The following PLPPR1 variants were observed in gnomAD, a reference collection of about 807,000 sequenced individuals.
The protein encoded by PLPPR1 is phospholipid phosphatase-related protein type 1.
A neutral mutation model predicts 33.1 loss-of-function variants in PLPPR1; 10 were observed. The observed-to-expected ratio is 0.30, with a 90% confidence interval of 0.19 to 0.51. The LOEUF is 0.51. Among genes scored for constraint, PLPPR1 ranks in the 20% least tolerant of loss-of-function variants. PLPPR1 has a pLI of 0.97. For missense variants in PLPPR1, 304 were observed against 408.1 expected (o/e 0.74, Z 2.20); for synonymous variants, 151 against 151.0 (o/e 1.00, Z 0.00).
At chr9:101,213,340 C>G (rs1420247656) in intron 2 of PLPPR1, among the ~76,000 whole-genome samples, 1 of 151,868 alleles carries the variant, frequency 6.6e-6, no homozygotes, top group African/African-American at 2.4e-5. Flanking sequence ...AGTAAGCAAC[C>G]AGAAAGAGAT....
chr9:101,079,647 T>G (rs2118507732), intron 1 of PLPPR1, among the ~76,000 whole-genome samples: 1 of 152,208 alleles, frequency 6.6e-6, no homozygotes, highest in Middle Eastern at 3.4e-3. Context: ...TGGCACGATC[T>G]TGGCTCACTG....
intron 2 of PLPPR1, among the ~76,000 whole-genome samples, chr9:101,237,824 T>C (rs1002775824): frequency 5.3e-5 from 5 of 93,974 alleles, no homozygotes; most frequent in African/African-American, 2.6e-4. Context: ...TGCATATATA[T>C]ATATATATAT....
At chr9:101,187,643 T>C (rs1164780963) in intron 2 of PLPPR1, 1 of 151,954 alleles carries the variant, frequency 6.6e-6, no homozygotes, top group Admixed American at 6.6e-5. Flanking sequence ...CAAACACTTA[T>C]TGTTTACCTA....
intron 1 of PLPPR1, among the ~76,000 whole-genome samples, chr9:101,158,259 G>A (rs979076544): frequency 6.6e-6 from 1 of 152,266 alleles, no homozygotes; most frequent in South Asian, 2.1e-4. Flanking sequence ...GAATGAAAAG[G>A]AAAATGGAGG....
chr9:101,078,126 A>T (rs2988366), intron 1 of PLPPR1, among the ~76,000 whole-genome samples: 1 of 35,364 alleles, frequency 2.8e-5, no homozygotes, highest in Non-Finnish European at 5.5e-5. Flanking sequence ...GAAGAAGAAG[A>T]AGAAGAAGAA....
intron 1 of PLPPR1, among the ~76,000 whole-genome samples, chr9:101,042,042 G>A (rs936216618): frequency 6.6e-6 from 1 of 152,126 alleles, no homozygotes; most frequent in African/African-American, 2.4e-5. Context: ...AACACATATA[G>A]AGAAAATATA....
At chr9:101,096,284 CAT>C (rs1459948297) in intron 1 of PLPPR1, among the ~76,000 whole-genome samples, 2 of 152,204 alleles carry the variant, frequency 1.3e-5, no homozygotes, top group East Asian at 1.9e-4. Flanking sequence ...AGAAGAATAA[CAT>C]AATCACAGTG....
chr9:101,036,098 A>G (rs1340592904), intron 1 of PLPPR1, among the ~76,000 whole-genome samples: 2 of 152,150 alleles, frequency 1.3e-5, no homozygotes, highest in African/African-American at 4.8e-5. Flanking sequence ...TTGCATTAAA[A>G]TATTGTTTAC....
chr9:101,291,235 G>GA (rs977786994), intron 4 of PLPPR1, among the ~76,000 whole-genome samples: 4 of 152,242 alleles, frequency 2.6e-5, no homozygotes, highest in African/African-American at 9.6e-5. Flanking sequence ...AAGGCTGGGG[G>GA]AGGGGCGCCC....
At chr9:101,136,316 G>A (rs566271131) in intron 1 of PLPPR1, among the ~76,000 whole-genome samples, 13 of 152,248 alleles carry the variant, frequency 8.5e-5, no homozygotes, top group East Asian at 3.9e-4. Flanking sequence ...TAGCTTATGC[G>A]GTCAGTATTA....
At chr9:101,029,520 C>A (rs112743298) in intron 1 of PLPPR1, among the ~76,000 whole-genome samples, 1 of 152,142 alleles carries the variant, frequency 6.6e-6, no homozygotes, top group East Asian at 1.9e-4. Flanking sequence ...CCCACCCGGG[C>A]GGGGGTTGAG....
intron 1 of PLPPR1, among the ~76,000 whole-genome samples, chr9:101,099,130 T>C (rs2993806): frequency 0.42 from 62,768 of 149,342 alleles, 13,497 homozygotes; most frequent in Non-Finnish European, 0.46. Context: ...GAGGAGTGTG[T>C]TGGTCAGTGG....
intron 4 of PLPPR1, among the ~76,000 whole-genome samples, chr9:101,308,375 T>C (rs1280136485): frequency 3.3e-5 from 5 of 152,272 alleles, no homozygotes; most frequent in East Asian, 3.9e-4. Flanking sequence ...AAAGGAAAGA[T>C]GTGGATTATA....
At chr9:101,095,553 G>A (rs1260818945) in intron 1 of PLPPR1, among the ~76,000 whole-genome samples, 1 of 152,140 alleles carries the variant, frequency 6.6e-6, no homozygotes, top group Non-Finnish European at 1.5e-5. Flanking sequence ...TTTTTTAAAA[G>A]CTAAACTTCC....
chr9:101,283,447 T>C (rs1198952859), intron 3 of PLPPR1, among the ~76,000 whole-genome samples: 1 of 152,208 alleles, frequency 6.6e-6, no homozygotes, highest in African/African-American at 2.4e-5. Flanking sequence ...TTAGGAAAAC[T>C]GGCTATCCAC....
chr9:101,169,952 T>C (rs115193738), intron 1 of PLPPR1, among the ~76,000 whole-genome samples: 131 of 151,950 alleles, frequency 8.6e-4, no homozygotes, highest in African/African-American at 3.0e-3. Context: ...ATTAAGACTA[T>C]ATTGTTGAGT....
chr9:101,133,378 A>G (rs1831339047), intron 1 of PLPPR1, among the ~76,000 whole-genome samples: 1 of 152,236 alleles, frequency 6.6e-6, no homozygotes, highest in Admixed American at 6.5e-5. Flanking sequence ...TTGTAGTAAC[A>G]TGAGAACGCA....
At chr9:101,181,683 C>T (rs1411297878) in intron 1 of PLPPR1, among the ~76,000 whole-genome samples, 1 of 144,706 alleles carries the variant, frequency 6.9e-6, no homozygotes, top group African/African-American at 2.6e-5. Context: ...TATGTATATA[C>T]ACACACACAT....
chr9:101,263,655 T>A (rs1346552925), intron 2 of PLPPR1, among the ~76,000 whole-genome samples: 1 of 152,196 alleles, frequency 6.6e-6, no homozygotes, highest in Non-Finnish European at 1.5e-5. Flanking sequence ...GACTTTCCCC[T>A]AGGCCACACA....
Sources: allele counts gnomAD v4.1 joint callset (sites outside exome capture counted in the v4.1 genomes callset), GRCh38; gene constraint gnomAD v4.1.1; transcripts MANE v1.5; gene names NCBI Gene and HGNC (gene_info 2026-07-23, HGNC 2026-07-21).